Variants in EPHA5 observed in about 807,000 individuals in gnomAD.
The protein encoded by EPHA5 is ephrin type-A receptor 5.
EPHA5 carries 60 observed loss-of-function variants against 105.0 expected under a neutral mutation model. That is an observed-to-expected ratio of 0.57 (90% CI 0.46 to 0.71). The LOEUF (loss-of-function observed/expected upper bound fraction) is 0.71. Among genes scored for constraint, EPHA5 ranks in the 30% least tolerant of loss-of-function variants. The pLI is 0.00. For missense variants in EPHA5, 1,218 were observed against 1,274.7 expected (o/e 0.96, Z 0.68); for synonymous variants, 513 against 449.1 (o/e 1.14, Z -1.80).
At chr4:65,454,087 C>T (rs964932614) in intron 5 of EPHA5, among the ~76,000 whole-genome samples, 1 of 152,072 alleles carries the variant, frequency 6.6e-6, no homozygotes, top group African/African-American at 2.4e-5. Flanking sequence ...TCGAAACCAG[C>T]CTGACCAATG....
chr4:65,541,514 A>T (rs912576014), intron 3 of EPHA5, among the ~76,000 whole-genome samples: 3 of 152,040 alleles, frequency 2.0e-5, no homozygotes, highest in Non-Finnish European at 4.4e-5. Context: ...AGGGCATTAC[A>T]TAATGGTAAA....
At chr4:65,540,945 C>T (rs1234333880) in intron 3 of EPHA5, among the ~76,000 whole-genome samples, 1 of 150,776 alleles carries the variant, frequency 6.6e-6, no homozygotes, top group African/African-American at 2.4e-5. Flanking sequence ...AAAAGGAATG[C>T]TTTTGGACAA....
chr4:65,471,216 C>A (rs1050476441), intron 5 of EPHA5, among the ~76,000 whole-genome samples: 2 of 152,166 alleles, frequency 1.3e-5, no homozygotes, highest in Admixed American at 1.3e-4. Context: ...ACAGTCCTAA[C>A]TCCTAGAAAA....
chr4:65,606,454 G>C (rs145685950), intron 2 of EPHA5, among the ~76,000 whole-genome samples: 2 of 151,912 alleles, frequency 1.3e-5, no homozygotes, highest in African/African-American at 2.4e-5. Flanking sequence ...TCTGTAAATC[G>C]TCAGAATTTT....
intron 3 of EPHA5, among the ~76,000 whole-genome samples, chr4:65,497,062 C>T (rs1732015791): frequency 2.0e-5 from 3 of 152,204 alleles, no homozygotes; most frequent in Admixed American, 6.5e-5. Flanking sequence ...ATGGGTCAGT[C>T]GAAGACTACC....
In EPHA5 at chr4:65,345,146, T is replaced by C. The variant is rs114882006; in HGVS notation, c.2595+2908A>G. ...GGAATTGAATGACACAGTTTTGTCATAGTCCCGCCCCTAAAATCATAAAGC... is the reference window on the plus strand; with the variant it reads ...GGAATTGAATGACACAGTTTTGTCACAGTCCCGCCCCTAAAATCATAAAGC... On this transcript the variant is annotated intron_variant, in intron 14 of 16. Transcript: ENST00000613740. Among the ~76,000 whole-genome samples, 671 of 152,302 alleles carry C rather than the reference T, an allele frequency of 4.4e-3. 2 individuals carry two copies. Among genetic ancestry groups the C allele is most frequent in the Non-Finnish European group, 7.6e-3 (518 of 68,024 alleles).
intron 2 of EPHA5, among the ~76,000 whole-genome samples, chr4:65,639,811 A>C (rs546823196): frequency 1.3e-5 from 2 of 151,326 alleles, no homozygotes; most frequent in African/African-American, 4.8e-5. Context: ...CAGTTGTCCT[A>C]TCTTCAAGTG....
chr4:65,474,007 C>T lies in EPHA5; in HGVS notation c.1402+16370G>A, dbSNP rs1004512945. ...GACACAGGAAGGGGGACATCACACA[C>T]CGGGGCCTGTTGTGGGGTGGGGGGA... On this transcript the variant is annotated intron_variant, in intron 5 of 16. Coordinates refer to ENST00000613740, the MANE Select transcript of EPHA5 (RefSeq NM_001281766.3). 3.3e-5 allele frequency among the ~76,000 whole-genome samples: 5 copies of T among 149,266 alleles called. No individual in the cohort carries two copies. The Admixed American group carries it at 3.4e-4, about 10-fold the overall frequency.
At chr4:65,517,831 A>T (rs1282542515) in intron 3 of EPHA5, among the ~76,000 whole-genome samples, 2 of 151,992 alleles carry the variant, frequency 1.3e-5, no homozygotes, top group Non-Finnish European at 2.9e-5. Context: ...AAAGTTTTTC[A>T]AAGTTTAACA....
intron 8 of EPHA5, among the ~76,000 whole-genome samples, chr4:65,382,288 A>T (rs939074688): frequency 6.6e-6 from 1 of 151,564 alleles, no homozygotes; most frequent in Non-Finnish European, 1.5e-5. Flanking sequence ...CACTTCAATT[A>T]TTTTTTTTCA....
chr4:65,524,814 G>A (rs1009747089), intron 3 of EPHA5, among the ~76,000 whole-genome samples: 4 of 151,680 alleles, frequency 2.6e-5, no homozygotes, highest in Non-Finnish European at 5.9e-5. Context: ...ATAACAGATT[G>A]TATGGCAGCT....
intron 12 of EPHA5, among the ~76,000 whole-genome samples, chr4:65,352,768 T>C (rs1459062674): frequency 1.4e-5 from 2 of 142,574 alleles, no homozygotes; most frequent in Non-Finnish European, 3.1e-5. Context: ...TCCTCTCTTA[T>C]TCCCTTCTAC....
intron 7 of EPHA5, among the ~76,000 whole-genome samples, 172 bp downstream of exon 7, chr4:65,414,112 C>T (rs1040890869): frequency 3.9e-5 from 6 of 152,170 alleles, no homozygotes; most frequent in Non-Finnish European, 7.3e-5. Context: ...ACGTGTTAAC[C>T]TGCCGACCTA....
At chr4:65,519,242 TA>T (rs1734425162) in intron 3 of EPHA5, among the ~76,000 whole-genome samples, 2 of 152,102 alleles carry the variant, frequency 1.3e-5, no homozygotes, top group Non-Finnish European at 2.9e-5. Flanking sequence ...TCAATAACTG[TA>T]AACCAGCATA....
chr4:65,389,247 C>T (rs938752250), intron 8 of EPHA5, among the ~76,000 whole-genome samples: 1 of 151,998 alleles, frequency 6.6e-6, no homozygotes, highest in Non-Finnish European at 1.5e-5. Context: ...AAAAATATAG[C>T]ATTGTGGTGC....
intron 3 of EPHA5, among the ~76,000 whole-genome samples, chr4:65,565,654 C>G (rs1739459379): frequency 6.7e-6 from 1 of 148,472 alleles, no homozygotes; most frequent in African/African-American, 2.5e-5. Context: ...TGAATATGTG[C>G]AAGGCAAAAG....
chr4:65,585,120 T>G (rs201069956), intron 3 of EPHA5, among the ~76,000 whole-genome samples: 9 of 148,920 alleles, frequency 6.0e-5, no homozygotes, highest in Non-Finnish European at 1.5e-5. Flanking sequence ...GCATGTGTGT[T>G]TGTGTGTGTG....
At chr4:65,465,447 AG>A (rs1728529239) in intron 5 of EPHA5, among the ~76,000 whole-genome samples, 1 of 138,718 alleles carries the variant, frequency 7.2e-6, no homozygotes, top group African/African-American at 2.7e-5. Context: ...AAAGAAAGAA[AG>A]AAAGAAAGAA....
chr4:65,616,528 T>C (rs1437807018), intron 2 of EPHA5, among the ~76,000 whole-genome samples: 1 of 150,926 alleles, frequency 6.6e-6, no homozygotes, highest in Non-Finnish European at 1.5e-5. Context: ...TCAGGAGAAG[T>C]TGTTACATAA....
Sources: gnomAD v4.1 joint callset for allele counts (sites outside exome capture counted in the v4.1 genomes callset) on GRCh38, gnomAD v4.1.1 for gene constraint, MANE v1.5 for transcripts, NCBI Gene and HGNC (gene_info 2026-07-23, HGNC 2026-07-21) for gene names.